Variants in SDK1 observed in about 807,000 individuals in gnomAD.
The protein encoded by SDK1 is sidekick cell adhesion molecule 1.
SDK1 carries 157 observed loss-of-function variants against 245.5 expected under a neutral mutation model. That is an observed-to-expected ratio of 0.64 (90% CI 0.56 to 0.73). The LOEUF (loss-of-function observed/expected upper bound fraction) is 0.73. Ranked by LOEUF, SDK1 falls within the 30% of genes least tolerant of loss-of-function variation. The pLI, the probability that SDK1 is intolerant of heterozygous loss-of-function variation, is 0.00. For synonymous variants in SDK1, 1,647 were observed against 1,278.5 expected, an observed-to-expected ratio of 1.29 and a Z score of -6.15; for missense variants, 3,583 against 3,002.3, an observed-to-expected ratio of 1.19 and a Z score of -4.52.
intron 1 of SDK1, among the ~76,000 whole-genome samples, chr7:3,488,596 G>A (rs1160979880): frequency 5.3e-5 from 8 of 152,158 alleles, no homozygotes; most frequent in Middle Eastern, 3.2e-3. Flanking sequence ...GATAGTTGAA[G>A]TCCCTTACAA....
At chr7:3,370,606 G>A (rs555199722) in intron 1 of SDK1, among the ~76,000 whole-genome samples, 7 of 152,258 alleles carry the variant, frequency 4.6e-5, no homozygotes, top group Middle Eastern at 6.8e-3. Context: ...TCGTTAAAAC[G>A]TCCAGCAGTT....
chr7:4,224,686 C>A (rs1472448365), intron 40 of SDK1, among the ~76,000 whole-genome samples: 1 of 152,062 alleles, frequency 6.6e-6, no homozygotes, highest in Non-Finnish European at 1.5e-5. Context: ...CAGATCGCCA[C>A]AGGGACCCAT....
chr7:3,449,083 A>G (rs62437735), intron 1 of SDK1, among the ~76,000 whole-genome samples: 2,529 of 152,324 alleles, frequency 0.017, 30 homozygotes, highest in Non-Finnish European at 0.027. Context: ...TAAGAAGGAA[A>G]GCTCTTTGCT....
intron 32 of SDK1, among the ~76,000 whole-genome samples, chr7:4,168,460 C>G (rs1425654340): frequency 6.6e-6 from 1 of 152,218 alleles, no homozygotes; most frequent in Non-Finnish European, 1.5e-5. Context: ...CGGCCCCTTC[C>G]CCTCCATCTT....
intron 4 of SDK1, among the ~76,000 whole-genome samples, chr7:3,728,898 G>C (rs1344710863): frequency 6.6e-6 from 1 of 152,052 alleles, no homozygotes; most frequent in African/African-American, 2.4e-5. Flanking sequence ...CACCGCACTG[G>C]ACCAACAGTG....
intron 1 of SDK1, among the ~76,000 whole-genome samples, chr7:3,607,003 A>G (rs998332911): frequency 2.0e-5 from 3 of 152,182 alleles, no homozygotes; most frequent in Non-Finnish European, 1.5e-5. Context: ...AACTTTCTTC[A>G]TTGATTTGCT....
At chr7:3,801,684 C>A (rs888080619) in intron 4 of SDK1, among the ~76,000 whole-genome samples, 1 of 152,172 alleles carries the variant, frequency 6.6e-6, no homozygotes, top group Non-Finnish European at 1.5e-5. Flanking sequence ...TGTGGCTGCT[C>A]CCAGCTTGCA....
intron 40 of SDK1, among the ~76,000 whole-genome samples, chr7:4,222,337 C>T (rs938235317): frequency 6.6e-6 from 1 of 152,178 alleles, no homozygotes; most frequent in African/African-American, 2.4e-5. Context: ...TTCTGTCACC[C>T]AGCCTGGAGT....
At position 4,184,067 on chromosome 7, in the gene SDK1, C is replaced by T. The variant is rs60113690; in HGVS notation, c.5098+5481C>T. Among the ~76,000 whole-genome samples the T allele has an allele frequency of 6.0e-4, 92 of 152,328 alleles. 1 individual carries two copies. Among genetic ancestry groups the T allele is most frequent in the African/African-American group, 2.1e-3 (89 of 41,586 alleles). The stretch of plus-strand genomic sequence containing the variant: ...CATTCCCTTTCTAGCCTCTGCTTCT[C>T]GCAGCCCAAGTACCTGCATTGTAAC... On this transcript the variant is annotated intron_variant, in intron 35 of 44. Transcript: ENST00000404826.
At chr7:3,405,929 C>T (rs906693356) in intron 1 of SDK1, among the ~76,000 whole-genome samples, 16 of 150,606 alleles carry the variant, frequency 1.1e-4, no homozygotes, top group Admixed American at 1.3e-4. Context: ...TCTTCTGCAT[C>T]AGCCTCCTGA....
intron 1 of SDK1, among the ~76,000 whole-genome samples, chr7:3,436,944 A>T (rs995844655): frequency 6.6e-6 from 1 of 152,212 alleles, no homozygotes; most frequent in Non-Finnish European, 1.5e-5. Flanking sequence ...TGAGCAAAAA[A>T]TGTAGAACAT....
chr7:3,488,338 C>G (rs1457404166), intron 1 of SDK1, among the ~76,000 whole-genome samples: 1 of 152,022 alleles, frequency 6.6e-6, no homozygotes, highest in Non-Finnish European at 1.5e-5. Flanking sequence ...TCCTTACTGT[C>G]GTTATTTTCT....
chr7:4,094,699 C>T (rs1030352133), intron 22 of SDK1, among the ~76,000 whole-genome samples: 1 of 152,182 alleles, frequency 6.6e-6, no homozygotes, highest in East Asian at 1.9e-4. Context: ...ACAGCAAAGC[C>T]AAACCATTGA....
intron 5 of SDK1, among the ~76,000 whole-genome samples, chr7:3,873,763 T>A (rs564066114): frequency 6.6e-6 from 1 of 152,330 alleles, no homozygotes; most frequent in African/African-American, 2.4e-5. Flanking sequence ...ACTGTTTTTC[T>A]GATTTCTATC....
At chr7:4,085,618 G>C (rs148153235) in intron 22 of SDK1, among the ~76,000 whole-genome samples, 1 of 152,106 alleles carries the variant, frequency 6.6e-6, no homozygotes, top group Non-Finnish European at 1.5e-5. Context: ...GCAGTGGCGT[G>C]ATCTCAGATC....
At position 4,038,394 on chromosome 7, in the gene SDK1, T is replaced by G. The variant is rs147992180; in HGVS notation, c.2603-10954T>G. Among the ~76,000 whole-genome samples the G allele has an allele frequency of 1.3e-3, 191 of 151,740 alleles. 3 individuals carry two copies. In the East Asian group the frequency reaches 0.031, roughly 24 times the overall value. On this transcript the variant is annotated intron_variant, in intron 17 of 44. Transcript: ENST00000404826. ...TGAAGACAGGGAATTTTTTTTTTTG[T>G]ACCTTAAATAGTGTTCAAAGCATTT...
chr7:4,192,102 C>T lies in SDK1; in HGVS notation c.5098+13516C>T, dbSNP rs375366826. On this transcript the variant is annotated intron_variant, in intron 35 of 44. Coordinates refer to ENST00000404826, the MANE Select transcript of SDK1 (RefSeq NM_152744.4). ...AATCTCAAGCATACACAGAAGGAGA[C>T]AGACAAGTGCAGGCGCATCACACTC... 2.0e-5 allele frequency among the ~76,000 whole-genome samples: 3 copies of T among 152,324 alleles called. No homozygotes were observed. The East Asian group carries it at 5.8e-4, about 29-fold the overall frequency.
At position 3,987,173 on chromosome 7, in the gene SDK1, CATTCA is replaced by C. The variant is rs1403403195; in HGVS notation, c.1995-6_1995-2del. ...GTTTTCCTCTTTTTCCTTTTCATCC[CATTCA>C]ATTCAAGTGAACTGCCTCATTCACC... On this transcript the variant is annotated splice_region_variant and splice_polypyrimidine_tract_variant and intron_variant, in intron 13 of 44. Transcript: ENST00000404826. The C allele has an allele frequency of 1.7e-5, 27 of 1,613,062 alleles. No individual in the cohort carries two copies. Among genetic ancestry groups the C allele is most frequent in the Non-Finnish European group, 2.3e-5 (27 of 1,179,612 alleles).
rs111557947 is a variant in SDK1 at position 3,304,070 on chromosome 7, G to T, written c.298+2186G>T. ...ATTTTGAGAAAAAACGTGCGACATT[G>T]ATCAGTAAAAGTTACATTTTTATAA... On this transcript the variant is annotated intron_variant, in intron 1 of 44. Coordinates refer to ENST00000404826, the MANE Select transcript of SDK1 (RefSeq NM_152744.4). 3.7e-4 allele frequency among the ~76,000 whole-genome samples: 57 copies of T among 152,290 alleles called. 1 individual carries two copies. Among genetic ancestry groups the T allele is most frequent in the African/African-American group, 1.2e-3 (50 of 41,556 alleles).
Sources: allele counts gnomAD v4.1 joint callset (sites outside exome capture counted in the v4.1 genomes callset), GRCh38; gene constraint gnomAD v4.1.1; transcripts MANE v1.5; gene names NCBI Gene and HGNC (gene_info 2026-07-23, HGNC 2026-07-21).